IGF2R: variants seen among roughly 807,000 people sequenced by gnomAD.
IGF2R encodes the protein insulin like growth factor 2 receptor, also known as cation-independent mannose-6-phosphate receptor.
A neutral mutation model predicts 270.6 loss-of-function variants in IGF2R; 91 were observed. The observed-to-expected ratio is 0.34, with a 90% CI of 0.28 to 0.40. IGF2R has a LOEUF of 0.40. Ranked by LOEUF, IGF2R falls within the 10% of genes least tolerant of loss-of-function variation. IGF2R has a pLI of 1.00. For synonymous variants in IGF2R, 1,316 were observed against 1,258.9 expected (o/e 1.05, Z -0.96); for missense variants, 2,805 against 3,188.3 (o/e 0.88, Z 2.90).
intron 3 of IGF2R, chr6:160,010,343 C>A: frequency 5.6e-6 from 1 of 178,116 alleles, no homozygotes. Context: ...CGTTTTCTGG[C>A]TTTCGTTTGC....
intron 3 of IGF2R, 34 bp from the exon 4 acceptor site, chr6:160,010,653 T>C (rs1562342231): frequency 7.6e-6 from 9 of 1,188,986 alleles, no homozygotes; most frequent in Non-Finnish European, 1.1e-5. Flanking sequence ...ATGTGTGGTA[T>C]GGTAACATTA....
chr6:159,978,270 C>T (rs777261701), intron 1 of IGF2R, among the ~76,000 whole-genome samples: 1 of 152,170 alleles, frequency 6.6e-6, no homozygotes, highest in African/African-American at 2.4e-5. Flanking sequence ...TTCTGCAGTT[C>T]TGAGGTTTGC....
In IGF2R at chr6:160,080,160, C is replaced by G. The variant is rs1397407606; in HGVS notation, c.5718C>G (p.Pro1906=). Residue 1906 remains proline (P), a synonymous_variant, in exon 39 of 48, where the codon CCC becomes CCG. Transcript: ENST00000356956. ...ETDDGVPCVF[P]FIFNGKSYEE... Reference sequence around the variant, plus strand: ...ATGACGGCGTCCCCTGTGTCTTCCCCTTCATATTCAATGGGAAGAGCTACG... The same window carrying G: ...ATGACGGCGTCCCCTGTGTCTTCCCGTTCATATTCAATGGGAAGAGCTACG... 2 of 1,614,136 alleles carry G rather than the reference C, an allele frequency of 1.2e-6. No homozygotes were observed. Among genetic ancestry groups the G allele is most frequent in the South Asian group, 2.2e-5 (2 of 91,086 alleles).
intron 37 of IGF2R, among the ~76,000 whole-genome samples, chr6:160,078,612 A>C (rs1170554145): frequency 6.6e-6 from 1 of 152,176 alleles, no homozygotes; most frequent in Non-Finnish European, 1.5e-5. Context: ...TTTGATGATA[A>C]GTAACCTCAT....
chr6:160,052,907 C>T (rs1244216074), intron 19 of IGF2R, among the ~76,000 whole-genome samples: 1 of 152,164 alleles, frequency 6.6e-6, no homozygotes, highest in Non-Finnish European at 1.5e-5. Flanking sequence ...TGGATCCCTT[C>T]CTTACACCTG....
At chr6:159,978,088 T>A (rs1583237647) in intron 1 of IGF2R, among the ~76,000 whole-genome samples, 2 of 152,166 alleles carry the variant, frequency 1.3e-5, no homozygotes, top group Non-Finnish European at 2.9e-5. Context: ...CTCCCAGAGC[T>A]CTCCATTAGT....
chr6:160,060,153 A>G (rs894127295), intron 22 of IGF2R, among the ~76,000 whole-genome samples: 3 of 152,050 alleles, frequency 2.0e-5, no homozygotes, highest in Non-Finnish European at 4.4e-5. Flanking sequence ...CTGTCATCAC[A>G]TAGGCCACCA....
chr6:160,007,918 G>A (rs984067103), intron 2 of IGF2R, among the ~76,000 whole-genome samples: 4 of 152,096 alleles, frequency 2.6e-5, no homozygotes, highest in Non-Finnish European at 4.4e-5. Context: ...TAAGATTTCT[G>A]CCAAGTTTTG....
At chr6:160,079,431 A>G (rs1778926925) in intron 37 of IGF2R, 149 bp from the exon 38 acceptor site, 3 of 495,016 alleles carry the variant, frequency 6.1e-6, no homozygotes, top group South Asian at 9.6e-5. Context: ...CCTAGGGCCA[A>G]GGCGATTGCG....
Position 160,044,669 on chromosome 6 carries a change from A to T in IGF2R, c.1765+12A>T. The T allele has an allele frequency of 1.3e-6, 2 of 1,591,264 alleles. No homozygotes were observed. The highest frequency in any genetic ancestry group is 8.5e-7 in the Non-Finnish European group (1 of 1,171,714). On this transcript the variant is annotated intron_variant, in intron 13 of 47. Transcript: ENST00000356956. Reference sequence around the variant, plus strand: ...TGTATGCAAGCCAGGTAAAAATTTTAAAAAAGATGAAATCTTTTCTGGCTT... The same window carrying T: ...TGTATGCAAGCCAGGTAAAAATTTTTAAAAAGATGAAATCTTTTCTGGCTT...
intron 31 of IGF2R, among the ~76,000 whole-genome samples, chr6:160,071,332 C>T (rs150061102): frequency 2.2e-5 from 3 of 134,898 alleles, no homozygotes; most frequent in Non-Finnish European, 4.8e-5. Flanking sequence ...GGCTGGACTG[C>T]AGCGTGGCTT....
chr6:160,015,635 T>C (rs981521425), intron 4 of IGF2R, among the ~76,000 whole-genome samples: 3 of 152,198 alleles, frequency 2.0e-5, no homozygotes, highest in Admixed American at 1.3e-4. Flanking sequence ...ATGGTTTCTG[T>C]CCTGGGCAGG....
At chr6:160,094,412 T>G (rs1779300777) in intron 44 of IGF2R, 1 of 209,846 alleles carries the variant, frequency 4.8e-6, no homozygotes, top group Non-Finnish European at 9.7e-6. Context: ...CCATCCTTTT[T>G]ATATGTCCTT....
intron 19 of IGF2R, among the ~76,000 whole-genome samples, chr6:160,054,552 C>T (rs1261013070): frequency 6.6e-6 from 1 of 152,108 alleles, no homozygotes; most frequent in Non-Finnish European, 1.5e-5. Flanking sequence ...AAAGGGTCGG[C>T]TTCTGTTTAG....
At chr6:160,058,853 G>A in intron 21 of IGF2R, 53 bp from the exon 22 acceptor site, 1 of 1,496,028 alleles carries the variant, frequency 6.7e-7, no homozygotes. Context: ...CTTGTCTGTG[G>A]TGAGATACGA....
Position 160,105,060 on chromosome 6 carries a change from C to A in IGF2R, c.7452C>A (p.Ser2484Arg). The stretch of plus-strand genomic sequence containing the variant: ...AGCTGGTGTCCTTCCATGACGACAG[C>A]GACGAGGACCTCTTACACATCTGAC... ...STKLVSFHDD[S>R]DEDLLHI Residue 2484 changes from serine (S) to arginine (R), a missense_variant, in exon 48 of 48, where the codon AGC becomes AGA. By Grantham distance (110) the Ser-to-Arg change is moderately radical. Transcript: ENST00000356956. 1.3e-6 allele frequency: 2 copies of A among 1,596,994 alleles called. No individual in the cohort carries two copies. Among genetic ancestry groups the A allele is most frequent in the South Asian group, 1.1e-5 (1 of 88,366 alleles).
chr6:160,076,140 T>A, intron 36 of IGF2R, 144 bp downstream of exon 36: 1 of 780,442 alleles, frequency 1.3e-6, no homozygotes. Context: ...GTAGTGTGTC[T>A]GAATAATTTA....
intron 11 of IGF2R, 84 bp downstream of exon 11, chr6:160,040,808 A>C: frequency 7.1e-7 from 1 of 1,405,616 alleles, no homozygotes; most frequent in Non-Finnish European, 9.7e-7. Context: ...TGCGGTTACT[A>C]TTTTCTTTGT....
intron 1 of IGF2R, among the ~76,000 whole-genome samples, chr6:159,977,362 G>A (rs1037559032): frequency 2.0e-5 from 3 of 152,214 alleles, no homozygotes; most frequent in Non-Finnish European, 4.4e-5. Flanking sequence ...CGTGGGGTAG[G>A]GCTGGGAGCA....
Sources: gnomAD v4.1 joint callset for allele counts (sites outside exome capture counted in the v4.1 genomes callset) on GRCh38, gnomAD v4.1.1 for gene constraint, MANE v1.5 for transcripts, NCBI Gene and HGNC (gene_info 2026-07-23, HGNC 2026-07-21) for gene names.